The following PTPRD variants were observed in gnomAD, a reference collection of about 807,000 sequenced individuals.
PTPRD encodes the protein protein tyrosine phosphatase receptor type D.
In PTPRD, 34 loss-of-function variants were observed where a neutral mutation model predicts 214.5. The observed-to-expected ratio is 0.16, with a 90% CI of 0.12 to 0.21. The LOEUF (loss-of-function observed/expected upper bound fraction) is 0.21, where lower values mean the gene tolerates loss of function less well. Among genes scored for constraint, PTPRD ranks in the 10% least tolerant of loss-of-function variants. The pLI is 1.00. For synonymous variants in PTPRD, 1,128 were observed against 845.7 expected, an observed-to-expected ratio of 1.33 and a Z score of -5.79; for missense variants, 2,545 against 2,398.7, an observed-to-expected ratio of 1.06 and a Z score of -1.27.
At chr9:10,409,322 A>T (rs571248226) in intron 2 of PTPRD, among the ~76,000 whole-genome samples, 4 of 151,762 alleles carry the variant, frequency 2.6e-5, no homozygotes, top group Non-Finnish European at 5.9e-5. Flanking sequence ...AAGTTGTGTA[A>T]CTAATGGTAT....
chr9:8,332,186 G>GGCATGTCA (rs1842125143), intron 43 of PTPRD, among the ~76,000 whole-genome samples: 1 of 152,038 alleles, frequency 6.6e-6, no homozygotes, highest in South Asian at 2.1e-4. Flanking sequence ...CAAGCACCTA[G>GGCATGTCA]GCATGTCATC....
At chr9:8,756,207 T>G (rs761374973) in intron 11 of PTPRD, among the ~76,000 whole-genome samples, 3 of 152,182 alleles carry the variant, frequency 2.0e-5, no homozygotes, top group Non-Finnish European at 4.4e-5. Context: ...CTTGGCCAAA[T>G]CACTCCCCTT....
At chr9:10,302,614 G>T (rs913340903) in intron 3 of PTPRD, among the ~76,000 whole-genome samples, 1 of 152,028 alleles carries the variant, frequency 6.6e-6, no homozygotes, top group East Asian at 1.9e-4. Flanking sequence ...GGTTACAATC[G>T]TAGTCTCTGA....
intron 6 of PTPRD, among the ~76,000 whole-genome samples, chr9:9,750,319 G>C (rs2098504250): frequency 1.3e-5 from 2 of 151,658 alleles, no homozygotes; most frequent in East Asian, 3.9e-4. Flanking sequence ...TAGTTATCAA[G>C]CCATCCAAAA....
chr9:10,028,391 G>A (rs980488870), intron 4 of PTPRD, among the ~76,000 whole-genome samples: 2 of 152,156 alleles, frequency 1.3e-5, no homozygotes, highest in Admixed American at 6.5e-5. Flanking sequence ...ACCCAAAAAT[G>A]TGGAACTGAC....
chr9:8,427,060 T>G (rs2094726038), intron 35 of PTPRD, among the ~76,000 whole-genome samples: 1 of 152,190 alleles, frequency 6.6e-6, no homozygotes, highest in African/African-American at 2.4e-5. Context: ...GACTCTGTAC[T>G]TTTTCATTTT....
intron 3 of PTPRD, among the ~76,000 whole-genome samples, chr9:10,042,542 T>C (rs964176397): frequency 6.6e-6 from 1 of 151,906 alleles, no homozygotes; most frequent in African/African-American, 2.4e-5. Flanking sequence ...CTTATTAAGA[T>C]GCAGTTACCC....
chr9:8,387,652 T>C (rs2087651361), intron 37 of PTPRD, among the ~76,000 whole-genome samples: 1 of 152,188 alleles, frequency 6.6e-6, no homozygotes, highest in Admixed American at 6.5e-5. Flanking sequence ...ACGTGTGTTC[T>C]GGAGCCAGAC....
chr9:9,842,792 A>T, intron 5 of PTPRD, among the ~76,000 whole-genome samples: 1 of 152,080 alleles, frequency 6.6e-6, no homozygotes, highest in East Asian at 1.9e-4. Context: ...GATGTGGAAG[A>T]AAAGGGAATG....
In PTPRD at chr9:8,630,766, G is replaced by A. The variant is rs138311009; in HGVS notation, c.352+2551C>T. ...CTAGCTGTATAAAAGCAGAGGAGAT[G>A]ATGAAACTCCAGCCAACTGAGAGAC... On this transcript the variant is annotated intron_variant, in intron 14 of 45. Coordinates refer to ENST00000381196, the MANE Select transcript of PTPRD (RefSeq NM_002839.4). Among the ~76,000 whole-genome samples the A allele has an allele frequency of 1.2e-3, 185 of 151,960 alleles. 2 individuals carry two copies. Among genetic ancestry groups the A allele is most frequent in the African/African-American group, 4.3e-3 (179 of 41,506 alleles).
intron 8 of PTPRD, among the ~76,000 whole-genome samples, chr9:9,432,693 A>G (rs1588275033): frequency 1.3e-5 from 2 of 152,352 alleles, no homozygotes; most frequent in East Asian, 3.9e-4. Context: ...AGGATTTCAC[A>G]ATGCTAAGCA....
intron 6 of PTPRD, among the ~76,000 whole-genome samples, chr9:9,761,702 G>C (rs534631991): frequency 5.7e-4 from 87 of 152,014 alleles, no homozygotes; most frequent in Admixed American, 9.2e-4. Context: ...GCATATGAAT[G>C]TAAAATTATC....
At chr9:9,421,684 G>A (rs1447664210) in intron 8 of PTPRD, among the ~76,000 whole-genome samples, 1 of 152,042 alleles carries the variant, frequency 6.6e-6, no homozygotes, top group Non-Finnish European at 1.5e-5. Flanking sequence ...GGCCAAAGGT[G>A]AAAATGATAC....
Position 8,622,806 on chromosome 9 carries a change from T to G in PTPRD, c.352+10511A>C, listed in dbSNP as rs73425429. ...CAGCAGTCTGCAAGAAAATAATATT[T>G]AGAAACTTTTTCCTAAAACTTGTCA... On this transcript the variant is annotated intron_variant, in intron 14 of 45. Coordinates refer to ENST00000381196, the MANE Select transcript of PTPRD (RefSeq NM_002839.4). 7.5e-3 allele frequency among the ~76,000 whole-genome samples: 1,135 copies of G among 152,010 alleles called. 20 individuals carry two copies. The highest frequency in any genetic ancestry group is 0.026 in the African/African-American group (1,084 of 41,516).
At chr9:9,824,475 C>T (rs1451315358) in intron 5 of PTPRD, among the ~76,000 whole-genome samples, 4 of 151,928 alleles carry the variant, frequency 2.6e-5, no homozygotes, top group African/African-American at 4.8e-5. Flanking sequence ...TACATGAATA[C>T]AGCTTTATAT....
chr9:8,425,774 G>A (rs2131851059), intron 35 of PTPRD, among the ~76,000 whole-genome samples: 1 of 152,230 alleles, frequency 6.6e-6, no homozygotes, highest in South Asian at 2.1e-4. Context: ...AGGCATTCAA[G>A]CTACTCCTCT....
At chr9:9,532,001 C>CAAT (rs3049066) in intron 8 of PTPRD, among the ~76,000 whole-genome samples, 27,733 of 151,396 alleles carry the variant, frequency 0.18, 2,733 homozygotes, top group Middle Eastern at 0.22. Flanking sequence ...AATGTTTTAC[C>CAAT]AATATTATTA....
At chr9:9,480,492 G>A (rs544877194) in intron 8 of PTPRD, among the ~76,000 whole-genome samples, 13 of 152,144 alleles carry the variant, frequency 8.5e-5, no homozygotes, top group African/African-American at 2.6e-4. Flanking sequence ...ATAAAACTGA[G>A]CTAAAACAAT....
chr9:9,289,760 G>T (rs4097905), intron 9 of PTPRD, among the ~76,000 whole-genome samples: 107,593 of 151,556 alleles, frequency 0.71, 38,398 homozygotes, highest in African/African-American at 0.76. Flanking sequence ...CGTCTCACAG[G>T]TTCAACCATA....
Sources: gnomAD v4.1 joint callset for allele counts (sites outside exome capture counted in the v4.1 genomes callset) on GRCh38, gnomAD v4.1.1 for gene constraint, MANE v1.5 for transcripts, NCBI Gene and HGNC (gene_info 2026-07-23, HGNC 2026-07-21) for gene names.